Variants in FREM1 observed in about 807,000 individuals in gnomAD.
FREM1 encodes FRAS1 related extracellular matrix 1, also known as FRAS1-related extracellular matrix protein 1.
A neutral mutation model predicts 210.1 loss-of-function variants in FREM1; 220 were observed. The ratio of observed to expected loss-of-function variants is 1.05; its 90% CI spans 0.94 to 1.17. FREM1 has a LOEUF of 1.17. FREM1 is among the 50% of genes most tolerant of loss of function. FREM1 has a pLI of 0.00. For synonymous variants in FREM1, 1,189 were observed against 980.2 expected (o/e 1.21, Z -3.98); for missense variants, 3,454 against 2,675.5 (o/e 1.29, Z -6.42).
At position 14,842,581 on chromosome 9, in the gene FREM1, G is replaced by C. The variant is rs1189547605; in HGVS notation, c.1473C>G (p.Thr491=). The C allele has an allele frequency of 2.5e-6, 4 of 1,613,846 alleles. No individual in the cohort carries two copies. In the East Asian group the frequency reaches 8.9e-5, roughly 36 times the overall value. ...VRYHHDDSDS[T]KDFVVFRIFD... is the part of the protein sequence containing the mutation. Reference sequence around the variant, plus strand: ...ATATCCGGAAGACCACGAAGTCTTTGGTGGAGTCGCTGTCATCATGATGAT... The same window carrying C: ...ATATCCGGAAGACCACGAAGTCTTTCGTGGAGTCGCTGTCATCATGATGAT... Residue 491 remains threonine, a synonymous_variant, in exon 9 of 37, where the codon ACC becomes ACG. Coordinates refer to ENST00000380880, the MANE Select transcript of FREM1 (RefSeq NM_001379081.2).
At chr9:14,896,754 A>C (rs1837816595) in intron 1 of FREM1, among the ~76,000 whole-genome samples, 1 of 152,228 alleles carries the variant, frequency 6.6e-6, no homozygotes, top group Admixed American at 6.5e-5. Flanking sequence ...TCGCTGTGAT[A>C]GCATAGGAGC....
rs373420008 is a variant in FREM1, at chr9:14,819,294, C to G, written c.2486G>C (p.Gly829Ala). 1.5e-5 allele frequency: 24 copies of G among 1,613,812 alleles called. No homozygotes were observed. The highest frequency in any genetic ancestry group is 6.7e-5 in the Admixed American group (4 of 59,968). ...TGTGCCCCCTGAATTTAGAGGAAATCCATTCAGCTCCACCCTTCCGTGCAG... is the reference window on the plus strand; with the variant it reads ...TGTGCCCCCTGAATTTAGAGGAAATGCATTCAGCTCCACCCTTCCGTGCAG... ...LPLHGRVELN[G>A]FPLNSGGTFS... The change falls in exon 14 of 37, where the codon GGA (glycine) becomes GCA (alanine). Residue 829 changes from glycine (G) to alanine (A), a missense_variant. By Grantham distance (60) the Gly-to-Ala change is moderately conservative (BLOSUM62 0). Coordinates refer to ENST00000380880, the MANE Select transcript of FREM1 (RefSeq NM_001379081.2).
intron 30 of FREM1, among the ~76,000 whole-genome samples, chr9:14,749,396 AGAAGG>A (rs145260290): frequency 0.026 from 3,995 of 152,218 alleles, 75 homozygotes; most frequent in Middle Eastern, 0.071. Context: ...GAAAGAGAAG[AGAAGG>A]GAATAGATTC....
At chr9:14,777,200 T>C (rs1848753493) in intron 24 of FREM1, among the ~76,000 whole-genome samples, 1 of 152,232 alleles carries the variant, frequency 6.6e-6, no homozygotes. Flanking sequence ...AGTCTTAGGT[T>C]TGTGATATCT....
chr9:14,792,287 C>CACACACACACAT (rs1189696113), intron 22 of FREM1, among the ~76,000 whole-genome samples: 7 of 143,228 alleles, frequency 4.9e-5, no homozygotes, highest in African/African-American at 1.8e-4. Flanking sequence ...CACACACACA[C>CACACACACACAT]ACACACACAC....
intron 21 of FREM1, among the ~76,000 whole-genome samples, chr9:14,794,997 C>CAAAAAAAAAAAA (rs36009556): frequency 8.3e-6 from 1 of 120,754 alleles, no homozygotes; most frequent in Non-Finnish European, 1.8e-5. Context: ...GACTTTCTCT[C>CAAAAAAAAAAAA]AAAAAAAAAA....
Position 14,788,971 on chromosome 9 carries a change from G to A in FREM1, c.4125C>T (p.Asn1375=). 6.2e-7 allele frequency: 1 copy of A among 1,613,134 alleles called. No homozygotes were observed. Among genetic ancestry groups the A allele is most frequent in the Non-Finnish European group, 8.5e-7 (1 of 1,179,612 alleles). The change falls in exon 23 of 37, where the codon AAC becomes AAT. Residue 1375 remains asparagine, a synonymous_variant. Coordinates refer to ENST00000380880, the MANE Select transcript of FREM1 (RefSeq NM_001379081.2). ...DSFTFYLWDG[N]NRSPALDCQI... ...GACAGTCAAGAGCAGGGGACCTGTT[G>A]TTGCCATCCCAAAGGTAGAAGGTGA...
chr9:14,875,645 T>C (rs904564196), intron 1 of FREM1, among the ~76,000 whole-genome samples: 2 of 152,218 alleles, frequency 1.3e-5, no homozygotes, highest in African/African-American at 4.8e-5. Flanking sequence ...TCTAAGTAGT[T>C]TGATCGTCTG....
intron 19 of FREM1, among the ~76,000 whole-genome samples, chr9:14,803,571 A>G (rs540784747): frequency 3.3e-4 from 50 of 152,118 alleles, no homozygotes; most frequent in Middle Eastern, 3.4e-3. Flanking sequence ...GTTTTGCCAC[A>G]TTGCCCAGGC....
At position 14,737,346 on chromosome 9, in the gene FREM1, G is replaced by A. The variant is rs752112262; in HGVS notation, c.*50C>T. ...ATGGAGCAATATTCACAGATCCTGT[G>A]AATAAATAGGTGACAAACTCCAGGT... On this transcript the variant is annotated 3_prime_UTR_variant, in exon 37 of 37. Transcript: ENST00000380880. The A allele has an allele frequency of 7.1e-7, 1 of 1,406,760 alleles. No individual in the cohort carries two copies. The highest frequency in any genetic ancestry group is 1.8e-5 in the Admixed American group (1 of 55,438). 87.1% of individuals were successfully genotyped at this position (1,406,760 alleles called of 1,614,324 possible).
chr9:14,822,113 C>A (rs1416702102), intron 13 of FREM1, among the ~76,000 whole-genome samples: 1 of 152,168 alleles, frequency 6.6e-6, no homozygotes, highest in Non-Finnish European at 1.5e-5. Flanking sequence ...CTCTTGCCTG[C>A]CACCATGTAA....
intron 9 of FREM1, 65 bp downstream of exon 9, chr9:14,842,251 T>G (rs1825818318): frequency 4.0e-6 from 4 of 992,108 alleles, no homozygotes; most frequent in Non-Finnish European, 6.1e-6. Context: ...CCCAGAAGGA[T>G]GCATAGAAGG....
chr9:14,827,457 T>C (rs1345921809), intron 10 of FREM1, among the ~76,000 whole-genome samples: 1 of 152,212 alleles, frequency 6.6e-6, no homozygotes, highest in Non-Finnish European at 1.5e-5. Context: ...GCATGGCTTT[T>C]CTTGACTTCT....
intron 10 of FREM1, among the ~76,000 whole-genome samples, chr9:14,830,415 C>T (rs768058606): frequency 2.0e-5 from 3 of 152,172 alleles, no homozygotes; most frequent in Non-Finnish European, 4.4e-5. Flanking sequence ...TACTGTTTGC[C>T]TGGGATTGGG....
At chr9:14,856,762 G>C (rs776420612) in intron 5 of FREM1, among the ~76,000 whole-genome samples, 3 of 151,384 alleles carry the variant, frequency 2.0e-5, no homozygotes, top group African/African-American at 4.9e-5. Flanking sequence ...GAACTTGGGA[G>C]GCAGAGCTTG....
At chr9:14,843,283 T>A (rs1488273908) in intron 8 of FREM1, among the ~76,000 whole-genome samples, 1 of 152,124 alleles carries the variant, frequency 6.6e-6, no homozygotes, top group Non-Finnish European at 1.5e-5. Context: ...CCACCTTCCC[T>A]ACCCCACTCA....
At chr9:14,749,764 T>A (rs1284649059) in intron 30 of FREM1, among the ~76,000 whole-genome samples, 1 of 152,180 alleles carries the variant, frequency 6.6e-6, no homozygotes, top group Non-Finnish European at 1.5e-5. Context: ...GGGGCTCAGA[T>A]TTTAGGCATT....
At chr9:14,894,242 A>G (rs139533706) in intron 1 of FREM1, among the ~76,000 whole-genome samples, 343 of 152,388 alleles carry the variant, frequency 2.3e-3, no homozygotes, top group African/African-American at 7.8e-3. Context: ...AAAAATTCCT[A>G]TAATTCTAAT....
intron 16 of FREM1, among the ~76,000 whole-genome samples, chr9:14,810,663 C>T (rs893392655): frequency 6.6e-6 from 1 of 152,254 alleles, no homozygotes; most frequent in South Asian, 2.1e-4. Context: ...ATTACTAAAA[C>T]ATCTTTATAA....
Sources: allele counts gnomAD v4.1 joint callset (sites outside exome capture counted in the v4.1 genomes callset), GRCh38; gene constraint gnomAD v4.1.1; transcripts MANE v1.5; gene names NCBI Gene and HGNC (gene_info 2026-07-23, HGNC 2026-07-21).